CACNA1A: variants seen among roughly 807,000 people sequenced by gnomAD.
CACNA1A encodes the protein voltage-dependent P/Q-type calcium channel subunit alpha-1A.
In CACNA1A, 57 loss-of-function variants were observed where a neutral mutation model predicts 262.4. That is an observed-to-expected ratio of 0.22 (90% CI 0.18 to 0.27). The LOEUF is 0.27. CACNA1A is among the 10% of genes least tolerant of loss of function. CACNA1A has a pLI of 1.00. For missense variants in CACNA1A, 2,526 were observed against 3,562.8 expected, an observed-to-expected ratio of 0.71 and a Z score of 7.41; for synonymous variants, 1,431 against 1,419.3, an observed-to-expected ratio of 1.01 and a Z score of -0.18.
intron 3 of CACNA1A, among the ~76,000 whole-genome samples, chr19:13,447,580 T>A (rs1406885188): frequency 6.6e-6 from 1 of 152,200 alleles, no homozygotes; most frequent in East Asian, 1.9e-4. Context: ...AGTCCCACGA[T>A]AGCCCATCTG....
chr19:13,452,824 C>T, intron 3 of CACNA1A, 52 bp downstream of exon 3: 1 of 1,567,778 alleles, frequency 6.4e-7, no homozygotes, highest in Non-Finnish European at 8.7e-7. Context: ...AACCAAAAGC[C>T]TCGTAATCCT....
intron 31 of CACNA1A, among the ~76,000 whole-genome samples, chr19:13,239,576 T>C (rs1253218384): frequency 4.6e-5 from 7 of 152,150 alleles, no homozygotes; most frequent in Admixed American, 1.3e-4. Context: ...TGCATGTGTA[T>C]TGCCAGCAGG....
chr19:13,480,235 C>T (rs1194505491), intron 1 of CACNA1A, among the ~76,000 whole-genome samples: 1 of 152,208 alleles, frequency 6.6e-6, no homozygotes, highest in Admixed American at 6.5e-5. Flanking sequence ...TCCACCTCCA[C>T]CTCTGCCACC....
At position 13,212,729 on chromosome 19, in the gene CACNA1A, G is replaced by A; in HGVS notation, c.5952C>T (p.Pro1984=). 1 of 1,503,702 alleles carries A rather than the reference G, an allele frequency of 6.7e-7. No homozygotes were observed. The highest frequency in any genetic ancestry group is 8.9e-7 in the Non-Finnish European group (1 of 1,126,708). The allele number at this position is 1,503,702 out of a possible 1,614,324, so 93.1% of individuals were successfully genotyped here. ...GGGGCTCCATGCGCTGGAACATGAGGGGTGTCCGGTCCTGGGGAATGGGGC... is the reference window on the plus strand; with the variant it reads ...GGGGCTCCATGCGCTGGAACATGAGAGGTGTCCGGTCCTGGGGAATGGGGC... ...QAMREEQDRT[P]LMFQRMEPPS... The change falls in exon 41 of 47, where the codon CCC becomes CCT. Residue 1984 remains proline (P), a synonymous_variant. Coordinates refer to ENST00000360228, the MANE Select transcript of CACNA1A (RefSeq NM_001127222.2). This position sits in a 1 kb window ranked among gnomAD's most constrained non-coding sequence, Gnocchi z 5.6.
At position 13,298,891 on chromosome 19, in the gene CACNA1A, C is replaced by T. The variant is rs2144955190; in HGVS notation, c.2742G>A (p.Gly914=). The change falls in exon 19 of 47, where the codon GGG becomes GGA. Residue 914 remains glycine (G), a synonymous_variant. Transcript: ENST00000360228. ...HAREGSLEQP[G]FWEGEAERGK... is the part of the protein sequence containing the mutation. The stretch of plus-strand genomic sequence containing the variant: ...CTCGCTCGGCCTCGCCCTCCCAGAA[C>T]CCGGGTTGCTCCAGGCTGCCCTCCC... 1 of 1,594,404 alleles carries T rather than the reference C, an allele frequency of 6.3e-7. No individual in the cohort carries two copies. The highest frequency in any genetic ancestry group is 8.5e-7 in the Non-Finnish European group (1 of 1,177,806).
rs759025032 is a variant in CACNA1A, at chr19:13,294,218, AAC to A, written c.3089+4324_3089+4325del. On this transcript the variant is annotated intron_variant, in intron 19 of 46. Coordinates refer to ENST00000360228, the MANE Select transcript of CACNA1A (RefSeq NM_001127222.2). ...GACCCTGCCTCAAAAAAAAAAAAAAAACAAACAAAACCCTAAATAAACCAACA... is the reference window on the plus strand; with the variant it reads ...GACCCTGCCTCAAAAAAAAAAAAAAAAAACAAAACCCTAAATAAACCAACA... 6.5e-4 allele frequency among the ~76,000 whole-genome samples: 98 copies of A among 150,364 alleles called. 1 individual carries two copies. Among genetic ancestry groups the A allele is most frequent in the East Asian group, 7.8e-4 (4 of 5,096 alleles).
Position 13,276,027 on chromosome 19 carries a change from C to T in CACNA1A, c.3883-71G>A, listed in dbSNP as rs552892581. 8.6e-4 allele frequency: 849 copies of T among 986,288 alleles called. 3 individuals are homozygous for T. Among genetic ancestry groups the T allele is most frequent in the Non-Finnish European group, 1.2e-3 (747 of 632,394 alleles). The allele number at this position is 986,288 out of a possible 1,614,324, so 61.1% of individuals were successfully genotyped here. ...ACCCTGGGGTGCTGCCACCCACTCT[C>T]TAGCCTCTCGGGGAGAGGCAGGGAA... On this transcript the variant is annotated intron_variant, in intron 23 of 46. Coordinates refer to ENST00000360228, the MANE Select transcript of CACNA1A (RefSeq NM_001127222.2).
chr19:13,287,535 CTTTT>C (rs1418541034), intron 19 of CACNA1A, among the ~76,000 whole-genome samples: 2 of 151,858 alleles, frequency 1.3e-5, no homozygotes, highest in African/African-American at 4.8e-5. Context: ...TTCTTTCTTT[CTTTT>C]TTCTTGCTCT....
chr19:13,452,799 G>C, intron 3 of CACNA1A, 77 bp downstream of exon 3: 1 of 1,423,230 alleles, frequency 7.0e-7, no homozygotes, highest in Non-Finnish European at 9.7e-7. Flanking sequence ...TCCTGAGCCT[G>C]GCCCGGACCA....
chr19:13,354,831 C>G (rs10419955), intron 6 of CACNA1A, among the ~76,000 whole-genome samples: 77,674 of 150,672 alleles, frequency 0.52, 21,529 homozygotes, highest in East Asian at 0.96. Context: ...AAGAGGAGAA[C>G]ACACACAGAC....
chr19:13,384,707 AC>A (rs952882638), intron 3 of CACNA1A, among the ~76,000 whole-genome samples: 1 of 151,952 alleles, frequency 6.6e-6, no homozygotes, highest in Non-Finnish European at 1.5e-5. Flanking sequence ...TCTCAAGAAA[AC>A]CCCCCAAAAA....
chr19:13,397,118 T>C (rs1008754981), intron 3 of CACNA1A, among the ~76,000 whole-genome samples: 1 of 152,114 alleles, frequency 6.6e-6, no homozygotes, highest in African/African-American at 2.4e-5. Context: ...AGGACCCTGA[T>C]TGGTATGAGG....
At position 13,212,705 on chromosome 19, in the gene CACNA1A, G is replaced by C; in HGVS notation, c.5976C>G (p.Pro1992=). 1.3e-6 allele frequency: 2 copies of C among 1,509,482 alleles called. No homozygotes were observed. The highest frequency in any genetic ancestry group is 2.3e-5 in the Admixed American group (1 of 43,706). The allele number at this position is 1,509,482 out of a possible 1,614,324, so 93.5% of individuals were successfully genotyped here. ...GTCCCCCTTCCTGCGTTGGGGACGG[G>C]GGCTCCATGCGCTGGAACATGAGGG... ...RTPLMFQRME[P]PSPTQEGGPG... The change falls in exon 41 of 47, where the codon CCC becomes CCG. Residue 1992 remains proline (P), a synonymous_variant. Coordinates refer to ENST00000360228, the MANE Select transcript of CACNA1A (RefSeq NM_001127222.2). The surrounding 1 kb of genome is among the most constrained non-coding windows in gnomAD (Gnocchi z 5.6).
chr19:13,383,000 C>T (rs1015539691), intron 3 of CACNA1A, among the ~76,000 whole-genome samples: 3 of 152,196 alleles, frequency 2.0e-5, no homozygotes, highest in African/African-American at 4.8e-5. Context: ...CAGTTCTCTA[C>T]TGTGTCATCC....
chr19:13,280,950 A>G (rs924534809), intron 22 of CACNA1A, among the ~76,000 whole-genome samples: 1 of 151,660 alleles, frequency 6.6e-6, no homozygotes, highest in Non-Finnish European at 1.5e-5. Flanking sequence ...CAAAAAAAAA[A>G]AAAAAAAAAA....
intron 30 of CACNA1A, among the ~76,000 whole-genome samples, chr19:13,247,341 TG>T (rs2056265214): frequency 6.6e-6 from 1 of 152,198 alleles, no homozygotes; most frequent in Admixed American, 6.5e-5. Flanking sequence ...TCGCTGAGCA[TG>T]GAATATACAG....
intron 6 of CACNA1A, among the ~76,000 whole-genome samples, chr19:13,345,598 A>G (rs1316447818): frequency 6.6e-6 from 1 of 152,180 alleles, no homozygotes; most frequent in East Asian, 1.9e-4. Flanking sequence ...TCATTGAGAA[A>G]AAGTATACAG....
intron 31 of CACNA1A, among the ~76,000 whole-genome samples, chr19:13,240,835 CTG>C (rs1470730850): frequency 2.0e-5 from 3 of 152,368 alleles, no homozygotes; most frequent in Non-Finnish European, 4.4e-5. Context: ...TGTGCAGTGA[CTG>C]TGTGACTGCG....
Position 13,417,150 on chromosome 19 carries a change from G to A in CACNA1A, c.539+35726C>T, listed in dbSNP as rs138902702. ...ATGTTCCAGGAGGTGGCAGCCACTC[G>A]TCCAGGTCAGAAAGCGACTGCCAAG... On this transcript the variant is annotated intron_variant, in intron 3 of 46. Coordinates refer to ENST00000360228, the MANE Select transcript of CACNA1A (RefSeq NM_001127222.2). Among the ~76,000 whole-genome samples, 4 of 152,266 alleles carry A rather than the reference G, an allele frequency of 2.6e-5. No homozygotes were observed. In the East Asian group the frequency reaches 5.8e-4, roughly 22 times the overall value.
Sources: allele counts gnomAD v4.1 joint callset (sites outside exome capture counted in the v4.1 genomes callset), GRCh38; gene constraint gnomAD v4.1.1; non-coding constraint Gnocchi (gnomAD v3.1); transcripts MANE v1.5; gene names NCBI Gene and HGNC (gene_info 2026-07-23, HGNC 2026-07-21).